CHODL: variants seen among roughly 807,000 people sequenced by gnomAD.
The protein encoded by CHODL is transmembrane protein MT75.
A neutral mutation model predicts 34.5 loss-of-function variants in CHODL; 29 were observed. That is an observed-to-expected ratio of 0.84 (90% CI 0.63 to 1.15). The LOEUF is 1.15. Among genes scored for constraint, CHODL ranks in the 50% most tolerant of loss-of-function variants. CHODL has a pLI of 0.00. For missense variants in CHODL, 332 were observed against 332.5 expected, an observed-to-expected ratio of 1.00 and a Z score of 0.01; for synonymous variants, 125 against 116.1, an observed-to-expected ratio of 1.08 and a Z score of -0.49.
At chr21:18,182,432 A>G (rs1425805958) in intron 2 of CHODL, among the ~76,000 whole-genome samples, 1 of 152,190 alleles carries the variant, frequency 6.6e-6, no homozygotes, top group Non-Finnish European at 1.5e-5. Flanking sequence ...TGAATGTGTT[A>G]ACTGACTTGA....
intron 2 of CHODL, among the ~76,000 whole-genome samples, chr21:18,037,322 T>C (rs1403272691): frequency 3.3e-5 from 5 of 151,934 alleles, no homozygotes; most frequent in Non-Finnish European, 5.9e-5. Context: ...GGAAAATTCT[T>C]ATTTTGTTAG....
At chr21:18,035,526 T>C (rs764201051) in intron 2 of CHODL, among the ~76,000 whole-genome samples, 2 of 152,012 alleles carry the variant, frequency 1.3e-5, no homozygotes, top group African/African-American at 2.4e-5. Context: ...TAGGCCACTA[T>C]TTCTTCAAAC....
intron 1 of CHODL, among the ~76,000 whole-genome samples, chr21:17,925,221 A>G (rs1291365846): frequency 1.3e-5 from 2 of 152,212 alleles, no homozygotes; most frequent in Non-Finnish European, 2.9e-5. Flanking sequence ...CTCTAGTACC[A>G]TGCTACAGTG....
intron 2 of CHODL, among the ~76,000 whole-genome samples, chr21:18,076,808 T>G (rs2146507388): frequency 6.6e-6 from 1 of 152,324 alleles, no homozygotes; most frequent in East Asian, 1.9e-4. Context: ...GCCTAGTGGA[T>G]TCATGGGGCC....
At chr21:18,049,977 GT>G (rs1255358587) in intron 2 of CHODL, among the ~76,000 whole-genome samples, 2 of 151,994 alleles carry the variant, frequency 1.3e-5, no homozygotes, top group Non-Finnish European at 2.9e-5. Context: ...TGGAGGCAGG[GT>G]TTCTGCTTTC....
intron 2 of CHODL, among the ~76,000 whole-genome samples, chr21:18,194,617 A>C (rs1026592017): frequency 6.6e-6 from 1 of 152,004 alleles, no homozygotes; most frequent in Admixed American, 6.6e-5. Context: ...AAAAAAAAAA[A>C]AACTAATGCG....
At chr21:18,066,891 T>C (rs1051863182) in intron 2 of CHODL, among the ~76,000 whole-genome samples, 1 of 152,128 alleles carries the variant, frequency 6.6e-6, no homozygotes, top group Non-Finnish European at 1.5e-5. Context: ...ACACAATAGG[T>C]TGGCCACCTA....
At chr21:18,190,853 A>G (rs2073502648) in intron 2 of CHODL, among the ~76,000 whole-genome samples, 1 of 152,184 alleles carries the variant, frequency 6.6e-6, no homozygotes, top group African/African-American at 2.4e-5. Flanking sequence ...ATGATGGTGA[A>G]ATCCAAGAAA....
chr21:18,124,997 C>T (rs1166026888), intron 2 of CHODL, among the ~76,000 whole-genome samples: 1 of 152,136 alleles, frequency 6.6e-6, no homozygotes, highest in Non-Finnish European at 1.5e-5. Context: ...GGTCTAGGAT[C>T]TCAAAAAAAC....
At chr21:18,146,989 T>C (rs2146620135) in intron 2 of CHODL, among the ~76,000 whole-genome samples, 1 of 152,370 alleles carries the variant, frequency 6.6e-6, no homozygotes, top group African/African-American at 2.4e-5. Context: ...TCCAATTCTC[T>C]TTTAATCCTT....
intron 2 of CHODL, among the ~76,000 whole-genome samples, chr21:18,239,078 G>C (rs2074056931): frequency 6.6e-6 from 1 of 152,068 alleles, no homozygotes; most frequent in South Asian, 2.1e-4. Context: ...TTTTTCTGCT[G>C]TAAAGGATCA....
intron 1 of CHODL, among the ~76,000 whole-genome samples, chr21:17,968,190 C>A (rs1406203474): frequency 6.6e-6 from 1 of 152,192 alleles, no homozygotes; most frequent in Non-Finnish European, 1.5e-5. Context: ...AGGGCCTCCT[C>A]CTCCATAGTC....
intron 2 of CHODL, among the ~76,000 whole-genome samples, chr21:18,140,510 C>A (rs547474970): frequency 2.0e-5 from 3 of 152,090 alleles, no homozygotes; most frequent in African/African-American, 7.2e-5. Context: ...ACCTATTCCA[C>A]ATAAGGGGAA....
intron 2 of CHODL, among the ~76,000 whole-genome samples, chr21:18,171,999 C>T (rs750174871): frequency 6.6e-6 from 1 of 152,164 alleles, no homozygotes; most frequent in Non-Finnish European, 1.5e-5. Context: ...CTGTACAGAT[C>T]CTCAAGATTA....
intron 2 of CHODL, among the ~76,000 whole-genome samples, chr21:18,193,164 C>T (rs2073531405): frequency 6.6e-6 from 1 of 151,902 alleles, no homozygotes; most frequent in Non-Finnish European, 1.5e-5. Context: ...AAGGGATAAC[C>T]ACAGAAAAAC....
At chr21:18,116,725 T>C (rs928022299) in intron 2 of CHODL, among the ~76,000 whole-genome samples, 1 of 152,106 alleles carries the variant, frequency 6.6e-6, no homozygotes, top group Non-Finnish European at 1.5e-5. Flanking sequence ...GCAGTTGACA[T>C]GGGTGCTTCT....
At chr21:18,214,102 C>T (rs1275252587) in intron 2 of CHODL, among the ~76,000 whole-genome samples, 1 of 152,058 alleles carries the variant, frequency 6.6e-6, no homozygotes, top group Admixed American at 6.6e-5. Flanking sequence ...GCAATGCCAA[C>T]TTTGTCATCC....
chr21:17,924,896 A>G (rs1239273383), intron 1 of CHODL, among the ~76,000 whole-genome samples: 2 of 152,242 alleles, frequency 1.3e-5, no homozygotes, highest in Non-Finnish European at 2.9e-5. Context: ...TGTTAAAAAA[A>G]TGCTACATAA....
intron 2 of CHODL, among the ~76,000 whole-genome samples, chr21:18,078,287 T>C (rs754237606): frequency 4.6e-5 from 7 of 152,126 alleles, no homozygotes; most frequent in Non-Finnish European, 1.0e-4. Context: ...ACCTCCTATA[T>C]GGCAGCAGGC....
Sources: gnomAD v4.1 joint callset for allele counts (sites outside exome capture counted in the v4.1 genomes callset) on GRCh38, gnomAD v4.1.1 for gene constraint, MANE v1.5 for transcripts, NCBI Gene and HGNC (gene_info 2026-07-23, HGNC 2026-07-21) for gene names.